SPG11: variants seen among roughly 807,000 people sequenced by gnomAD.
The protein encoded by SPG11 is SPG11 vesicle trafficking associated, spatacsin.
A neutral mutation model predicts 274.0 loss-of-function variants in SPG11; 222 were observed. The observed-to-expected ratio is 0.81, with a 90% confidence interval of 0.73 to 0.91. The LOEUF is 0.91. SPG11 is among the 40% of genes least tolerant of loss of function. The pLI is 0.00. For synonymous variants in SPG11, 1,144 were observed against 1,039.7 expected (o/e 1.10, Z -1.93); for missense variants, 3,114 against 2,872.7 (o/e 1.08, Z -1.92).
rs2083381393 is a variant in SPG11, at chr15:44,608,573, C to T, written c.3324G>A (p.Leu1108=). The T allele has an allele frequency of 6.2e-7, 1 of 1,613,974 alleles. No homozygotes were observed. The highest frequency in any genetic ancestry group is 2.2e-5 in the East Asian group (1 of 44,860). Reference sequence around the variant, plus strand: ...TCAATAGCTGGGGATCCACTTTCTTCAAACAGTTTTCATTTTCTTCATTCT... The same window carrying T: ...TCAATAGCTGGGGATCCACTTTCTTTAAACAGTTTTCATTTTCTTCATTCT... ...VVQNEENENC[L]KKVDPQLLKM... is the part of the protein sequence containing the mutation. Residue 1108 remains leucine (L), a synonymous_variant, in exon 19 of 40, where the codon TTG becomes TTA. Coordinates refer to ENST00000261866, the MANE Select transcript of SPG11 (RefSeq NM_025137.4).
rs765129142 is a variant in SPG11, at chr15:44,584,285, TCTCCAGCTC to T, written c.5386_5394del (p.Glu1796_Glu1798del). ...GTGATGCGGCACAGCCAGATCTGCTTCTCCAGCTCCTCCAGCTTATCCAAGGGCACCACG... is the reference window on the plus strand; with the variant it reads ...GTGATGCGGCACAGCCAGATCTGCTTCTCCAGCTTATCCAAGGGCACCACG... On this transcript the variant is annotated inframe_deletion, in exon 30 of 40. Transcript: ENST00000261866. 2 of 1,613,332 alleles carry T rather than the reference TCTCCAGCTC, an allele frequency of 1.2e-6. No homozygotes were observed. Among genetic ancestry groups the T allele is most frequent in the Admixed American group, 1.7e-5 (1 of 59,950 alleles).
intron 10 of SPG11, among the ~76,000 whole-genome samples, chr15:44,626,881 C>T (rs1425666799): frequency 1.3e-5 from 2 of 151,172 alleles, no homozygotes; most frequent in East Asian, 2.0e-4. Flanking sequence ...AATTTAAAGA[C>T]CAGTAAGTGT....
At chr15:44,614,989 C>T (rs1382334591) in intron 16 of SPG11, among the ~76,000 whole-genome samples, 1 of 152,140 alleles carries the variant, frequency 6.6e-6, no homozygotes, top group Non-Finnish European at 1.5e-5. Flanking sequence ...AAGTGAAATA[C>T]AGTTTGCTAT....
intron 7 of SPG11, among the ~76,000 whole-genome samples, chr15:44,636,951 A>AAAAAT (rs2084289323): frequency 7.8e-6 from 1 of 128,902 alleles, no homozygotes; most frequent in Non-Finnish European, 1.6e-5. Flanking sequence ...AAAAAAAAAA[A>AAAAAT]AAAAAACAAA....
rs1384102732 is a variant in SPG11, at chr15:44,648,999, G to C, written c.1469C>G (p.Ser490Cys). Residue 490 changes from serine to cysteine, a missense_variant, in exon 7 of 40, where the codon TCT becomes TGT. Ser to Cys is a moderately radical substitution (Grantham distance 112, BLOSUM62 -1). Transcript: ENST00000261866. Reference protein sequence around the residue: ...LCFVLTENGLSLILFGLTQEE... With the variant: ...LCFVLTENGLCLILFGLTQEE... ...TTGAGTCAAACCAAACAAAATCAGA[G>C]AGAGTCCATTCTCTATAGGAAAAAT... 13 of 1,613,266 alleles carry C rather than the reference G, an allele frequency of 8.1e-6. No individual in the cohort carries two copies. The highest frequency in any genetic ancestry group is 2.2e-5 in the East Asian group (1 of 44,856).
chr15:44,648,769 G>T lies in SPG11; in HGVS notation c.1602+97C>A, dbSNP rs1036086765. The stretch of plus-strand genomic sequence containing the variant: ...ATATACAAAGGCTATAGTTCTTTTT[G>T]CTGCTAAATTAAATGAATTCTCTCA... On this transcript the variant is annotated intron_variant, in intron 7 of 39. Transcript: ENST00000261866. The T allele has an allele frequency of 1.1e-5, 15 of 1,368,936 alleles. No individual in the cohort carries two copies. The African/African-American group carries it at 1.9e-4, about 17-fold the overall frequency. 84.8% of individuals were successfully genotyped at this position (1,368,936 alleles called of 1,614,324 possible). A position where few individuals can be genotyped will look rare whatever the true frequency, so the allele number is the denominator to read the frequency against.
chr15:44,566,333 G>C (rs576390983), intron 36 of SPG11, 28 bp from the exon 37 acceptor site: 2 of 1,600,544 alleles, frequency 1.2e-6, no homozygotes, highest in Non-Finnish European at 1.7e-6. Context: ...AAGATTTGCC[G>C]AGTCTGACTC....
rs892816719 is a variant in SPG11 at position 44,573,506 on chromosome 15, A to G, written c.6205+41T>C. ...AATCCTTAACACTGGGAACTAGAGA[A>G]TGCTGTCAGAGAGGTTGGGAATCCC... On this transcript the variant is annotated intron_variant, in intron 32 of 39. Transcript: ENST00000261866. 3.1e-6 allele frequency: 5 copies of G among 1,604,774 alleles called. No homozygotes were observed. The South Asian group carries it at 3.3e-5, about 11-fold the overall frequency.
At chr15:44,592,482 A>G (rs767354125) in intron 26 of SPG11, 44 bp from the exon 27 acceptor site, 4 of 1,147,032 alleles carry the variant, frequency 3.5e-6, no homozygotes, top group Admixed American at 3.4e-5. Context: ...TTTGAACTTA[A>G]TATTTTTTCA....
intron 26 of SPG11, 95 bp from the exon 27 acceptor site, chr15:44,592,533 A>T: frequency 1.2e-6 from 1 of 806,378 alleles, no homozygotes; most frequent in Admixed American, 1.9e-5. Context: ...AATGCTATTA[A>T]TAAGGCAGGG....
chr15:44,620,486 T>C, intron 14 of SPG11, 83 bp from the exon 15 acceptor site: 3 of 944,098 alleles, frequency 3.2e-6, no homozygotes, highest in East Asian at 2.6e-5. Flanking sequence ...TGAGTAAATA[T>C]AACAATCTGG....
Position 44,662,699 on chromosome 15 carries a change from G to A in SPG11, c.257+692C>T, listed in dbSNP as rs2085151372. Among the ~76,000 whole-genome samples, 4 of 134,756 alleles carry A rather than the reference G, an allele frequency of 3.0e-5. No homozygotes were observed. In the South Asian group the frequency reaches 9.9e-4, roughly 33 times the overall value. The allele number at this position is 134,756 out of a possible 152,430, so 88.4% of individuals were successfully genotyped here. ...AGCAGCAGCCCACTCAAAACACTAA[G>A]AGGGCGTTCCCAAACTTTATGATGT... On this transcript the variant is annotated intron_variant, in intron 1 of 39. Transcript: ENST00000261866.
chr15:44,591,042 A>T (rs1245890095), intron 27 of SPG11: 1 of 152,176 alleles, frequency 6.6e-6, no homozygotes. Flanking sequence ...CTCTATTTGG[A>T]ATGAATTTCC....
chr15:44,657,345 CTATT>C (rs762507911), intron 3 of SPG11, 49 bp from the exon 4 acceptor site: 43 of 1,543,174 alleles, frequency 2.8e-5, no homozygotes, highest in Non-Finnish European at 3.6e-5. Flanking sequence ...GTATGCCTAA[CTATT>C]TAAAGCACAG....
intron 26 of SPG11, among the ~76,000 whole-genome samples, chr15:44,594,596 GAAAAA>G (rs35547796): frequency 1.4e-5 from 1 of 71,032 alleles, no homozygotes; most frequent in Non-Finnish European, 2.6e-5. Flanking sequence ...TTAAAAATGC[GAAAAA>G]AAAAAAAAAA....
intron 14 of SPG11, 85 bp from the exon 15 acceptor site, chr15:44,620,488 A>T: frequency 1.1e-6 from 1 of 900,088 alleles, no homozygotes. Flanking sequence ...AGTAAATATA[A>T]CAATCTGGAC....
chr15:44,652,007 A>G, intron 5 of SPG11, 68 bp from the exon 6 acceptor site: 1 of 1,568,246 alleles, frequency 6.4e-7, no homozygotes, highest in Non-Finnish European at 8.7e-7. Context: ...ACACTAAACC[A>G]GGGCAAAGAT....
intron 1 of SPG11, among the ~76,000 whole-genome samples, chr15:44,662,775 A>G (rs1466598998): frequency 6.6e-6 from 1 of 151,986 alleles, no homozygotes; most frequent in Non-Finnish European, 1.5e-5. Context: ...GTAATGCATT[A>G]TTGTAATCAT....
Position 44,562,963 on chromosome 15 carries a change from GAA to G in SPG11, c.*156_*157del, listed in dbSNP as rs1021111688. On this transcript the variant is annotated 3_prime_UTR_variant, in exon 40 of 40. Transcript: ENST00000261866. ...CTATTTTAAATAGGAATTTCCTCCT[GAA>G]AAGTTTCTTACTTGCTACCTACTAC... is the stretch of plus-strand genomic sequence containing the variant. 3 of 656,348 alleles carry G rather than the reference GAA, an allele frequency of 4.6e-6. No homozygotes were observed. The highest frequency in any genetic ancestry group is 7.8e-6 in the Non-Finnish European group (3 of 382,334). 40.7% of individuals were successfully genotyped at this position (656,348 alleles called of 1,614,324 possible).
Sources: gnomAD v4.1 joint callset for allele counts (sites outside exome capture counted in the v4.1 genomes callset) on GRCh38, gnomAD v4.1.1 for gene constraint, MANE v1.5 for transcripts, NCBI Gene and HGNC (gene_info 2026-07-23, HGNC 2026-07-21) for gene names.